The following PITPNM2 variants were observed in gnomAD, a reference collection of about 807,000 sequenced individuals.
PITPNM2 encodes phosphatidylinositol transfer protein membrane associated 2.
Under a neutral mutation model 132.2 loss-of-function variants are expected in PITPNM2, and 35 were observed. That is an observed-to-expected ratio of 0.26 (90% CI 0.20 to 0.35). The LOEUF (loss-of-function observed/expected upper bound fraction) is 0.35. Ranked by LOEUF, PITPNM2 falls within the 10% of genes least tolerant of loss-of-function variation. The pLI is 1.00. For synonymous variants in PITPNM2, 738 were observed against 799.2 expected, an observed-to-expected ratio of 0.92 and a Z score of 1.29; for missense variants, 1,332 against 1,912.0, an observed-to-expected ratio of 0.70 and a Z score of 5.66.
chr12:123,149,082 G>C (rs146494304), intron 1 of PITPNM2, among the ~76,000 whole-genome samples: 133 of 152,296 alleles, frequency 8.7e-4, no homozygotes, highest in Non-Finnish European at 1.3e-3. Flanking sequence ...AATTCTTTCA[G>C]ATTCCATAAG....
At chr12:123,147,866 T>G (rs2043649931) in intron 1 of PITPNM2, among the ~76,000 whole-genome samples, 1 of 152,208 alleles carries the variant, frequency 6.6e-6, no homozygotes, top group South Asian at 2.1e-4. Context: ...CTGCACAGTG[T>G]GTCAGGGAGG....
intron 2 of PITPNM2, among the ~76,000 whole-genome samples, chr12:123,038,242 G>A (rs1215745477): frequency 6.6e-6 from 1 of 152,186 alleles, no homozygotes; most frequent in African/African-American, 2.4e-5. Context: ...TAGGAAGAAG[G>A]AAAAAACAAA....
Position 122,995,580 on chromosome 12 carries a change from A to ACCACCGCCACCGCCG in PITPNM2, c.1848_1862dup (p.Gly618_Gly622dup). The ACCACCGCCACCGCCG allele has an allele frequency of 6.3e-7, 1 of 1,580,380 alleles. No homozygotes were observed. Among genetic ancestry groups the ACCACCGCCACCGCCG allele is most frequent in the Non-Finnish European group, 8.5e-7 (1 of 1,177,550 alleles). On this transcript the variant is annotated inframe_insertion, in exon 14 of 26. Transcript: ENST00000320201. ...TACTGCCACCACCACCACTGCTGCC[A>ACCACCGCCACCGCCG]CCACCGCCACCGCCGCCACCGCCAC...
intron 17 of PITPNM2, 55 bp downstream of exon 17, chr12:122,990,490 T>C (rs2038138245): frequency 6.3e-7 from 1 of 1,597,708 alleles, no homozygotes; most frequent in Middle Eastern, 1.7e-4. Context: ...AGCTGTCCCC[T>C]GTGGGCACAA....
intron 18 of PITPNM2, among the ~76,000 whole-genome samples, chr12:122,989,229 C>T (rs1423349630): frequency 6.6e-6 from 1 of 152,200 alleles, no homozygotes; most frequent in Non-Finnish European, 1.5e-5. Flanking sequence ...TCCTGTTCTC[C>T]TATCTTCCCC....
chr12:123,100,078 CAGA>C (rs1376682148), intron 2 of PITPNM2, among the ~76,000 whole-genome samples: 2 of 152,240 alleles, frequency 1.3e-5, no homozygotes, highest in Non-Finnish European at 2.9e-5. Flanking sequence ...CTGCATTTCA[CAGA>C]AGAAGAAACT....
At chr12:123,037,618 TG>T (rs1177007275) in intron 2 of PITPNM2, among the ~76,000 whole-genome samples, 1 of 152,216 alleles carries the variant, frequency 6.6e-6, no homozygotes, top group Non-Finnish European at 1.5e-5. Context: ...CTAAGCATTC[TG>T]CCCTTTGGGA....
chr12:122,987,949 G>C, intron 20 of PITPNM2, 48 bp from the exon 21 acceptor site: 1 of 1,522,268 alleles, frequency 6.6e-7, no homozygotes, highest in Non-Finnish European at 9.0e-7. Flanking sequence ...AGGGCACCCC[G>C]GGTCCCTGTG....
chr12:123,000,371 AC>A lies in PITPNM2; in HGVS notation c.1224+406del, dbSNP rs1198708470. 1.4e-6 allele frequency: 1 copy of A among 701,460 alleles called. No homozygotes were observed. The highest frequency in any genetic ancestry group is 2.0e-5 in the Admixed American group (1 of 49,886). 43.5% of individuals were successfully genotyped at this position (701,460 alleles called of 1,614,324 possible). The stretch of plus-strand genomic sequence containing the variant: ...CTCCCGCGGGGCCATCTTGTCGGCC[AC>A]GGCCACATCACTTCTGCCTAGACGA... On this transcript the variant is annotated intron_variant, in intron 10 of 25. Transcript: ENST00000320201. This position sits in a 1 kb window ranked among gnomAD's most constrained non-coding sequence, Gnocchi z 5.4.
Position 123,127,799 on chromosome 12 carries a change from C to T in PITPNM2, c.-199-17311G>A, listed in dbSNP as rs11057164. ...TAATTTTTTGTATTTTTAGTAGAGA[C>T]GGGGTTTCACCGCGTTAGCCAGGAT... is the stretch of plus-strand genomic sequence containing the variant. On this transcript the variant is annotated intron_variant, in intron 1 of 25. Coordinates refer to ENST00000320201, the MANE Select transcript of PITPNM2 (RefSeq NM_020845.3). 5.3e-3 allele frequency among the ~76,000 whole-genome samples: 811 copies of T among 152,032 alleles called. 4 individuals carry two copies. The highest frequency in any genetic ancestry group is 0.018 in the African/African-American group (756 of 41,476).
intron 3 of PITPNM2, among the ~76,000 whole-genome samples, chr12:123,027,540 C>T (rs2039907679): frequency 6.6e-6 from 1 of 152,206 alleles, no homozygotes; most frequent in African/African-American, 2.4e-5. Context: ...GAGCCTCGAG[C>T]TGTCATCTGG....
chr12:123,000,308 C>T lies in PITPNM2; in HGVS notation c.1224+470G>A. 4 of 671,990 alleles carry T rather than the reference C, an allele frequency of 6.0e-6. No individual in the cohort carries two copies. Among genetic ancestry groups the T allele is most frequent in the South Asian group, 3.1e-5 (2 of 64,122 alleles). 41.6% of individuals were successfully genotyped at this position (671,990 alleles called of 1,614,324 possible). A position where few individuals can be genotyped will look rare whatever the true frequency, so the allele number is the denominator to read the frequency against. ...CCCCGAAGCGGATACAGGCGCTCTA[C>T]CAAGACAGTTTTATTGGACACACTG... On this transcript the variant is annotated intron_variant, in intron 10 of 25. Coordinates refer to ENST00000320201, the MANE Select transcript of PITPNM2 (RefSeq NM_020845.3). The surrounding 1 kb of genome is among the most constrained non-coding windows in gnomAD (Gnocchi z 5.4).
chr12:123,048,991 C>T (rs544013024), intron 2 of PITPNM2, among the ~76,000 whole-genome samples: 2 of 152,174 alleles, frequency 1.3e-5, no homozygotes, highest in Admixed American at 6.5e-5. Flanking sequence ...AAAACTAGCC[C>T]AGCATGGTGG....
At chr12:123,071,979 C>A (rs1333992170) in intron 2 of PITPNM2, among the ~76,000 whole-genome samples, 1 of 152,196 alleles carries the variant, frequency 6.6e-6, no homozygotes, top group Admixed American at 6.5e-5. Flanking sequence ...TTAGCACAGG[C>A]CCAGCAGGCA....
intron 2 of PITPNM2, among the ~76,000 whole-genome samples, chr12:123,085,567 A>G (rs1332158338): frequency 6.6e-6 from 1 of 152,188 alleles, no homozygotes; most frequent in Non-Finnish European, 1.5e-5. Flanking sequence ...GATGATAAAA[A>G]AAATTCTGGA....
intron 2 of PITPNM2, among the ~76,000 whole-genome samples, chr12:123,061,017 G>A (rs558387271): frequency 5.9e-5 from 9 of 152,008 alleles, no homozygotes; most frequent in Admixed American, 3.9e-4. Context: ...TGTAGCTACC[G>A]CGCCATTCAC....
Position 123,150,616 on chromosome 12 carries a change from G to A in PITPNM2, c.-200+137C>T, listed in dbSNP as rs1209179427. Among the ~76,000 whole-genome samples the A allele has an allele frequency of 4.8e-4, 72 of 149,942 alleles. No individual in the cohort carries two copies. The highest frequency in any genetic ancestry group is 1.6e-3 in the East Asian group (8 of 4,988). The stretch of plus-strand genomic sequence containing the variant: ...GTCTCCGCTCCCTCCTCCAGCCCCC[G>A]GCGGGCTGGAGGCTCGGCGGGCGGG... On this transcript the variant is annotated intron_variant, in intron 1 of 25. Coordinates refer to ENST00000320201, the MANE Select transcript of PITPNM2 (RefSeq NM_020845.3). The surrounding 1 kb of genome is among the most constrained non-coding windows in gnomAD (Gnocchi z 6.0).
chr12:123,075,646 G>A (rs1383534448), intron 2 of PITPNM2: 2 of 152,192 alleles, frequency 1.3e-5, no homozygotes, highest in African/African-American at 4.8e-5. Context: ...TCACAGGCTG[G>A]AGCCATCGGC....
intron 1 of PITPNM2, among the ~76,000 whole-genome samples, chr12:123,123,554 T>A (rs888392086): frequency 1.2e-4 from 18 of 151,948 alleles, no homozygotes; most frequent in Admixed American, 2.6e-4. Context: ...GAGGCTGCAG[T>A]GAGCTATGAT....
Sources: gnomAD v4.1 joint callset for allele counts (sites outside exome capture counted in the v4.1 genomes callset) on GRCh38, gnomAD v4.1.1 for gene constraint, Gnocchi (gnomAD v3.1) non-coding constraint, MANE v1.5 for transcripts, NCBI Gene and HGNC (gene_info 2026-07-23, HGNC 2026-07-21) for gene names.